KNOP1: variants seen among roughly 807,000 people sequenced by gnomAD.
The protein encoded by KNOP1 is lysine-rich nucleolar protein 1.
A neutral mutation model predicts 30.6 loss-of-function variants in KNOP1; 20 were observed. The ratio of observed to expected loss-of-function variants is 0.65; its 90% CI spans 0.46 to 0.95. The LOEUF is 0.95. Among genes scored for constraint, KNOP1 ranks in the 40% least tolerant of loss-of-function variants. The probability of loss-of-function intolerance (pLI) is 0.00; values close to 1 mark genes in which losing one functional copy is unlikely to be tolerated. For synonymous variants in KNOP1, 204 were observed against 210.0 expected (o/e 0.97, Z 0.25); for missense variants, 540 against 562.0 (o/e 0.96, Z 0.40).
Position 19,714,655 on chromosome 16 carries a change from A to C in KNOP1, c.381T>G (p.Ser127=). 1 of 1,614,008 alleles carries C rather than the reference A, an allele frequency of 6.2e-7. No homozygotes were observed. Among genetic ancestry groups the C allele is most frequent in the East Asian group, 2.2e-5 (1 of 44,862 alleles). ...TAGGGTCTGGGGAGGTTTTCACCCC[A>C]GAGGCATGGGACATGGCTAGAGGTG... ...KKSPLAMSHA[S]GVKTSPDPRQ... The change falls in exon 2 of 5, where the codon TCT becomes TCG. Residue 127 remains serine, a synonymous_variant. Transcript: ENST00000219837.
In KNOP1 at chr16:19,714,609, T is replaced by C. The variant is rs1477591746; in HGVS notation, c.427A>G (p.Arg143Gly). ...TGTTTTTTGAGCTTCTTGCCAACTCTGGTTTCCTCCTCACCCTGTCTAGGG... is the reference window on the plus strand; with the variant it reads ...TGTTTTTTGAGCTTCTTGCCAACTCCGGTTTCCTCCTCACCCTGTCTAGGG... Reference protein sequence around the residue: ...PDPRQGEEETRVGKKLKKHKK... With the variant: ...PDPRQGEEETGVGKKLKKHKK... Residue 143 changes from arginine to glycine, a missense_variant, in exon 2 of 5, where the codon AGA becomes GGA. Arg to Gly is a moderately radical substitution (Grantham distance 125). Transcript: ENST00000219837. The C allele has an allele frequency of 1.2e-6, 2 of 1,614,046 alleles. No individual in the cohort carries two copies. Among genetic ancestry groups the C allele is most frequent in the African/African-American group, 1.3e-5 (1 of 74,918 alleles).
Position 19,714,878 on chromosome 16 carries a change from A to G in KNOP1, c.158T>C (p.Val53Ala), listed in dbSNP as rs749890886. ...PLRATSPSKSVAHGQAPEMPL... is the reference protein window; with the variant it reads ...PLRATSPSKSAAHGQAPEMPL... ...CATCTCAGGTGCCTGCCCATGGGCCACACTCTTAGAGGGGGATGTAGCTCT... is the reference window on the plus strand; with the variant it reads ...CATCTCAGGTGCCTGCCCATGGGCCGCACTCTTAGAGGGGGATGTAGCTCT... The change falls in exon 2 of 5, where the codon GTG (valine) becomes GCG (alanine). Residue 53 changes from valine (V) to alanine (A), a missense_variant. Coordinates refer to ENST00000219837, the MANE Select transcript of KNOP1 (RefSeq NM_001012991.3). The G allele has an allele frequency of 9.3e-6, 15 of 1,613,766 alleles. No homozygotes were observed. The South Asian group carries it at 1.4e-4, about 15-fold the overall frequency.
At position 19,707,234 on chromosome 16, in the gene KNOP1, G is replaced by GA; in HGVS notation, c.1066-14dup. 1.2e-6 allele frequency: 2 copies of GA among 1,601,062 alleles called. No homozygotes were observed. Among genetic ancestry groups the GA allele is most frequent in the Non-Finnish European group, 1.7e-6 (2 of 1,177,044 alleles). ...CAAACTGGGTTCCCTGTGAGGAGAG[G>GA]AAAAAGGTGGCTATTTTCCTTGAGT... On this transcript the variant is annotated splice_polypyrimidine_tract_variant and intron_variant, in intron 4 of 4. Coordinates refer to ENST00000219837, the MANE Select transcript of KNOP1 (RefSeq NM_001012991.3).
Position 19,706,919 on chromosome 16 carries a change from C to T in KNOP1, c.1368G>A (p.Leu456=). The change falls in exon 5 of 5, where the codon CTG becomes CTA. Residue 456 remains leucine, a synonymous_variant. Transcript: ENST00000219837. The part of the protein sequence containing the change: ...IDRNASKSVK[L]ED ...GACAAAACTCTAGAGTTTAATCTTCCAGCTTGACTGACTTGGAAGCGTTCC... is the reference window on the plus strand; with the variant it reads ...GACAAAACTCTAGAGTTTAATCTTCTAGCTTGACTGACTTGGAAGCGTTCC... 1 of 1,612,290 alleles carries T rather than the reference C, an allele frequency of 6.2e-7. No homozygotes were observed. The highest frequency in any genetic ancestry group is 8.5e-7 in the Non-Finnish European group (1 of 1,179,944).
chr16:19,717,456 G>T (rs924005287), intron 1 of KNOP1: 1 of 985,618 alleles, frequency 1.0e-6, no homozygotes, highest in Non-Finnish European at 1.2e-6. Flanking sequence ...GAGCCAAGAC[G>T]ACTTCAGAAT....
chr16:19,709,057 A>G (rs1976572382), intron 4 of KNOP1, among the ~76,000 whole-genome samples: 1 of 151,912 alleles, frequency 6.6e-6, no homozygotes, highest in South Asian at 2.1e-4. Flanking sequence ...TGCCCTCCCT[A>G]TTCAAGCTGG....
intron 1 of KNOP1, among the ~76,000 whole-genome samples, chr16:19,715,966 C>T (rs1456787105): frequency 6.6e-6 from 1 of 152,098 alleles, no homozygotes; most frequent in Non-Finnish European, 1.5e-5. Flanking sequence ...TATTTCATAG[C>T]AAGTTAGGAT....
chr16:19,718,191 G>C lies in KNOP1; in HGVS notation c.-36C>G. On this transcript the variant is annotated 5_prime_UTR_variant, in exon 1 of 5. Transcript: ENST00000219837. ...GAAATTTCCCCGCCTCCACGTGAGA[G>C]CCAGCTCCGCCGTGACCCGGAAGTC... The C allele has an allele frequency of 6.7e-7, 1 of 1,501,928 alleles. No individual in the cohort carries two copies. The highest frequency in any genetic ancestry group is 1.3e-5 in the South Asian group (1 of 77,102). The allele number at this position is 1,501,928 out of a possible 1,614,324, so 93.0% of individuals were successfully genotyped here.
Position 19,714,444 on chromosome 16 carries a change from GCCC to G in KNOP1, c.589_591del (p.Gly197del), listed in dbSNP as rs532893765. On this transcript the variant is annotated inframe_deletion, in exon 2 of 5. Transcript: ENST00000219837. ...CTGGGGCTCTTCCGCTTCCGTTTCT[GCCC>G]CAAGGCTGCCTGTTCCTCATCCTTC... 3.3e-4 allele frequency: 535 copies of G among 1,613,386 alleles called. No homozygotes were observed. In the African/African-American group the frequency reaches 6.4e-3, roughly 19 times the overall value.
At position 19,714,882 on chromosome 16, in the gene KNOP1, T is replaced by G. The variant is rs532318324; in HGVS notation, c.154A>C (p.Ser52Arg). The change falls in exon 2 of 5, where the codon AGT becomes CGT. Residue 52 changes from serine to arginine, a missense_variant. Physicochemically the swap from Ser to Arg is moderately radical, Grantham distance 110. Transcript: ENST00000219837. ...TCAGGTGCCTGCCCATGGGCCACAC[T>G]CTTAGAGGGGGATGTAGCTCTTAAA... ...SPLRATSPSK[S>R]VAHGQAPEMP... 6.2e-7 allele frequency: 1 copy of G among 1,613,858 alleles called. No homozygotes were observed. The highest frequency in any genetic ancestry group is 1.1e-5 in the South Asian group (1 of 90,988).
At position 19,704,892 on chromosome 16, in the gene KNOP1, C is replaced by A; in HGVS notation, c.*2018G>T. 3.6e-6 allele frequency: 1 copy of A among 279,578 alleles called. No homozygotes were observed. Among genetic ancestry groups the A allele is most frequent in the African/African-American group, 2.2e-5 (1 of 45,012 alleles). 17.3% of individuals were successfully genotyped at this position (279,578 alleles called of 1,614,324 possible). On this transcript the variant is annotated 3_prime_UTR_variant, in exon 5 of 5. Coordinates refer to ENST00000219837, the MANE Select transcript of KNOP1 (RefSeq NM_001012991.3). The stretch of plus-strand genomic sequence containing the variant: ...ATGCTTGCGGATCAGGGTTCAGAGC[C>A]AGGGAAACTGCCTGAAGTGCCTGCC...
chr16:19,708,333 C>T lies in KNOP1; in HGVS notation c.1066-1112G>A, dbSNP rs149345501. ...GGAGAGCCCTCCAGACCCCCTTCTC[C>T]CAGGTCGGTGGGAGAGGAAAGAAAC... On this transcript the variant is annotated intron_variant, in intron 4 of 4. Coordinates refer to ENST00000219837, the MANE Select transcript of KNOP1 (RefSeq NM_001012991.3). Among the ~76,000 whole-genome samples the T allele has an allele frequency of 3.1e-4, 47 of 152,158 alleles. No individual in the cohort carries two copies. The East Asian group carries it at 9.0e-3, about 29-fold the overall frequency.
rs766605973 is a variant in KNOP1, at chr16:19,707,097, A to G, written c.1190T>C (p.Ile397Thr). The G allele has an allele frequency of 8.1e-6, 13 of 1,614,034 alleles. No individual in the cohort carries two copies. The highest frequency in any genetic ancestry group is 1.1e-5 in the South Asian group (1 of 91,084). ...SPSFSRPAST[I>T]ARPNMALGKK... ...GCCGAGGGCCATGTTGGGCCTTGCAATCGTGCTGGCGGGGCGGCTGAACGA... is the reference window on the plus strand; with the variant it reads ...GCCGAGGGCCATGTTGGGCCTTGCAGTCGTGCTGGCGGGGCGGCTGAACGA... Residue 397 changes from isoleucine (I) to threonine (T), a missense_variant, in exon 5 of 5, where the codon ATT becomes ACT. Coordinates refer to ENST00000219837, the MANE Select transcript of KNOP1 (RefSeq NM_001012991.3).
chr16:19,710,669 G>GGGAAC (rs1976666019), intron 3 of KNOP1, 83 bp from the exon 4 acceptor site: 3 of 1,159,722 alleles, frequency 2.6e-6, no homozygotes, highest in Non-Finnish European at 2.6e-6. Flanking sequence ...ACGGGGCTGG[G>GGGAAC]GGAACGGAAC....
intron 2 of KNOP1, among the ~76,000 whole-genome samples, chr16:19,713,706 G>A (rs941886410): frequency 6.6e-6 from 1 of 152,112 alleles, no homozygotes; most frequent in East Asian, 1.9e-4. Context: ...ATGATACTCA[G>A]ATAGCTACAG....
intron 3 of KNOP1, 62 bp downstream of exon 3, chr16:19,711,310 A>AGGC: frequency 6.5e-7 from 1 of 1,538,470 alleles, no homozygotes; most frequent in South Asian, 1.1e-5. Flanking sequence ...GGCAGGCAGC[A>AGGC]AGTGAGACTC....
intron 2 of KNOP1, 53 bp downstream of exon 2, chr16:19,714,065 A>G: frequency 1.3e-6 from 2 of 1,523,408 alleles, no homozygotes; most frequent in Non-Finnish European, 1.8e-6. Flanking sequence ...ACCCCTCCCA[A>G]ACCCCACCCT....
At chr16:19,713,328 A>G (rs1383765153) in intron 2 of KNOP1, among the ~76,000 whole-genome samples, 1 of 152,150 alleles carries the variant, frequency 6.6e-6, no homozygotes, top group East Asian at 1.9e-4. Context: ...CCTGGCCTCA[A>G]GTGATCTGCC....
chr16:19,710,088 C>T (rs2071167394), intron 4 of KNOP1, among the ~76,000 whole-genome samples: 1 of 152,154 alleles, frequency 6.6e-6, no homozygotes, highest in Non-Finnish European at 1.5e-5. Flanking sequence ...GGACATTTCC[C>T]AGTCAGACTG....
Sources: allele counts gnomAD v4.1 joint callset (sites outside exome capture counted in the v4.1 genomes callset), GRCh38; gene constraint gnomAD v4.1.1; transcripts MANE v1.5; gene names NCBI Gene and HGNC (gene_info 2026-07-23, HGNC 2026-07-21).